The following CCT5 variants were observed in gnomAD, a reference collection of about 807,000 sequenced individuals.
CCT5 encodes chaperonin containing TCP1 subunit 5, also known as T-complex protein 1 subunit epsilon.
A neutral mutation model predicts 55.0 loss-of-function variants in CCT5; 6 were observed. That is an observed-to-expected ratio of 0.11 (90% confidence interval 0.06 to 0.22). CCT5 has a LOEUF of 0.22. CCT5 is among the 10% of genes least tolerant of loss of function. The pLI is 1.00. For synonymous variants in CCT5, 231 were observed against 243.7 expected, an observed-to-expected ratio of 0.95 and a Z score of 0.49; for missense variants, 560 against 694.6, an observed-to-expected ratio of 0.81 and a Z score of 2.18.
chr5:10,258,850 A>G (rs1745811494), intron 6 of CCT5, among the ~76,000 whole-genome samples: 2 of 152,190 alleles, frequency 1.3e-5, no homozygotes, highest in Admixed American at 1.3e-4. Flanking sequence ...AAAATTAGCC[A>G]GGCATGGTGG....
At chr5:10,250,564 T>C (rs1171905754) in intron 1 of CCT5, 119 bp downstream of exon 1, 8 of 1,519,808 alleles carry the variant, frequency 5.3e-6, no homozygotes, top group Middle Eastern at 4.7e-4. Context: ...GTCGAGAATC[T>C]CCGTCTCCCT....
rs1371323377 is a variant in CCT5, at chr5:10,254,905, CT to C, written c.331+68del. ...ATTTAAGACCACAGGGCTAACATGC[CT>C]GCTGAGATTGTTGTCTCTGAATCAG... On this transcript the variant is annotated intron_variant, in intron 3 of 10. Transcript: ENST00000280326. 8.9e-6 allele frequency: 12 copies of C among 1,348,820 alleles called. No individual in the cohort carries two copies. In the African/African-American group the frequency reaches 1.7e-4, roughly 19 times the overall value. 83.6% of individuals were successfully genotyped at this position (1,348,820 alleles called of 1,614,324 possible).
At position 10,250,312 on chromosome 5, in the gene CCT5, TG is replaced by T. The variant is rs745337034; in HGVS notation, c.-23del. On this transcript the variant is annotated 5_prime_UTR_variant, in exon 1 of 11. Transcript: ENST00000280326. ...CGCTTCCGTAGCGGTCTCCGCCGGT[TG>T]GGGGGAAGTAATTCCGGTTGTTGCA... 70 of 1,613,598 alleles carry T rather than the reference TG, an allele frequency of 4.3e-5. No homozygotes were observed. Among genetic ancestry groups the T allele is most frequent in the Non-Finnish European group, 5.5e-5 (65 of 1,179,998 alleles).
chr5:10,258,925 A>G (rs1745815553), intron 6 of CCT5, among the ~76,000 whole-genome samples: 1 of 152,164 alleles, frequency 6.6e-6, no homozygotes, highest in Non-Finnish European at 1.5e-5. Context: ...CCCAGGAGGC[A>G]GAGGTTGCAG....
chr5:10,257,994 C>T, intron 4 of CCT5, 117 bp from the exon 5 acceptor site: 1 of 1,093,138 alleles, frequency 9.1e-7, no homozygotes, highest in Non-Finnish European at 1.4e-6. Flanking sequence ...GCATTCCCCT[C>T]TAGAAGACTC....
chr5:10,258,306 G>T lies in CCT5; in HGVS notation c.723+3G>T. ...TCAGTCACCCACAGATGCCAAAAGT[G>T]AGCCATTGCATCTCACAGCTTCGCA... is the stretch of plus-strand genomic sequence containing the variant. On this transcript the variant is annotated splice_donor_region_variant and intron_variant, in intron 5 of 10. Coordinates refer to ENST00000280326, the MANE Select transcript of CCT5 (RefSeq NM_012073.5). The T allele has an allele frequency of 6.2e-7, 1 of 1,614,060 alleles. No individual in the cohort carries two copies. Among genetic ancestry groups the T allele is most frequent in the Non-Finnish European group, 8.5e-7 (1 of 1,180,018 alleles).
chr5:10,264,867 G>A lies in CCT5; in HGVS notation c.*84G>A. 6.4e-7 allele frequency: 1 copy of A among 1,558,852 alleles called. No individual in the cohort carries two copies. The highest frequency in any genetic ancestry group is 8.8e-7 in the Non-Finnish European group (1 of 1,134,724). On this transcript the variant is annotated 3_prime_UTR_variant, in exon 11 of 11. Coordinates refer to ENST00000280326, the MANE Select transcript of CCT5 (RefSeq NM_012073.5). ...CGTGATGCATCTACAGTTATTTATT[G>A]TTACATCCTTTTCCAGACACTGTAG...
intron 1 of CCT5, among the ~76,000 whole-genome samples, chr5:10,252,217 G>C (rs1423983095): frequency 6.6e-6 from 1 of 152,172 alleles, no homozygotes; most frequent in Non-Finnish European, 1.5e-5. Flanking sequence ...TTGAGGCTCA[G>C]CAGTTTAGGG....
At chr5:10,250,229 G>T (rs745933943), upstream of CCT5, 3 of 1,572,498 alleles carry the variant, frequency 1.9e-6, no homozygotes, top group African/African-American at 1.4e-5. Context: ...AGTCCCGCGC[G>T]TCTTGTGCTG....
intron 7 of CCT5, 70 bp from the exon 8 acceptor site, chr5:10,261,490 T>C (rs1196116549): frequency 4.7e-6 from 7 of 1,488,694 alleles, no homozygotes; most frequent in Non-Finnish European, 6.6e-6. Flanking sequence ...TTTTGCTCAT[T>C]TGTGGCCCAG....
intron 10 of CCT5, 108 bp from the exon 11 acceptor site, chr5:10,264,548 A>T: frequency 1.3e-6 from 1 of 797,648 alleles, no homozygotes; most frequent in Non-Finnish European, 2.2e-6. Context: ...GGCTTCCAGG[A>T]GTTTGTATTT....
intron 3 of CCT5, among the ~76,000 whole-genome samples, chr5:10,255,483 T>A (rs1026985497): frequency 6.6e-6 from 1 of 152,082 alleles, no homozygotes; most frequent in Admixed American, 6.5e-5. Flanking sequence ...TTGGATACTA[T>A]TGTATGCCAA....
downstream of CCT5, chr5:10,266,399 T>C (rs976075698): frequency 2.6e-5 from 4 of 152,246 alleles, no homozygotes; most frequent in African/African-American, 9.6e-5. Flanking sequence ...ATGTCTTTTA[T>C]TTTTCACGTT....
At chr5:10,250,055 TA>T (rs763980851), upstream of CCT5, 4 of 1,541,058 alleles carry the variant, frequency 2.6e-6, no homozygotes, top group South Asian at 4.8e-5. Context: ...GGTAACGTTT[TA>T]AAAAATGACA....
chr5:10,254,558 A>T, intron 2 of CCT5, 116 bp from the exon 3 acceptor site: 1 of 899,128 alleles, frequency 1.1e-6, no homozygotes, highest in East Asian at 2.5e-5. Context: ...TGTATGTTGC[A>T]TTATTTGTAT....
Position 10,265,428 on chromosome 5 carries a change from A to C in CCT5, c.*645A>C, listed in dbSNP as rs1365555858. On this transcript the variant is annotated 3_prime_UTR_variant, in exon 11 of 11. Coordinates refer to ENST00000280326, the MANE Select transcript of CCT5 (RefSeq NM_012073.5). ...CTGGCCACCAGCACAGGCTTAGGGC[A>C]GTTCAGAACCCACTTGTTTCCCTAT... The C allele has an allele frequency of 3.9e-5, 6 of 152,634 alleles. No individual in the cohort carries two copies. Among genetic ancestry groups the C allele is most frequent in the Non-Finnish European group, 8.8e-5 (6 of 68,332 alleles). 9.5% of individuals were successfully genotyped at this position (152,634 alleles called of 1,614,324 possible).
intron 1 of CCT5, chr5:10,250,827 C>T: frequency 9.1e-7 from 1 of 1,093,698 alleles, no homozygotes; most frequent in Non-Finnish European, 1.1e-6. Context: ...TCGGTTAAGG[C>T]GCTGCTGCTT....
chr5:10,252,949 T>C (rs1403440709), intron 1 of CCT5, among the ~76,000 whole-genome samples: 4 of 152,064 alleles, frequency 2.6e-5, no homozygotes, highest in African/African-American at 4.8e-5. Flanking sequence ...AATAATTCTA[T>C]TACTCAATTT....
At chr5:10,262,342 A>G in intron 8 of CCT5, 139 bp from the exon 9 acceptor site, 1 of 945,176 alleles carries the variant, frequency 1.1e-6, no homozygotes, top group Non-Finnish European at 1.7e-6. Context: ...GGAAAGCTAG[A>G]AAGATAAATA....
Sources: allele counts gnomAD v4.1 joint callset (sites outside exome capture counted in the v4.1 genomes callset), GRCh38; gene constraint gnomAD v4.1.1; transcripts MANE v1.5; gene names NCBI Gene and HGNC (gene_info 2026-07-23, HGNC 2026-07-21).